EFL1: variants seen among roughly 807,000 people sequenced by gnomAD.
EFL1 encodes elongation factor-like GTPase 1.
EFL1 carries 76 observed loss-of-function variants against 126.7 expected under a neutral mutation model. That is an observed-to-expected ratio of 0.60 (90% confidence interval 0.50 to 0.73). The LOEUF (loss-of-function observed/expected upper bound fraction) is 0.73. Ranked by LOEUF, EFL1 falls within the 30% of genes least tolerant of loss-of-function variation. The probability of loss-of-function intolerance (pLI) is 0.00; values close to 1 mark genes in which losing one functional copy is unlikely to be tolerated. For missense variants in EFL1, 1,128 were observed against 1,343.2 expected (o/e 0.84, Z 2.50); for synonymous variants, 410 against 448.4 (o/e 0.91, Z 1.08).
At chr15:82,153,459 T>TA (rs886516645) in intron 17 of EFL1, among the ~76,000 whole-genome samples, 43 of 151,576 alleles carry the variant, frequency 2.8e-4, no homozygotes, top group Admixed American at 7.2e-4. Flanking sequence ...GTGTGTGCAT[T>TA]AAAAAAAAAC....
At chr15:82,175,839 T>C (rs1273773717) in intron 15 of EFL1, among the ~76,000 whole-genome samples, 1 of 152,204 alleles carries the variant, frequency 6.6e-6, no homozygotes, top group Non-Finnish European at 1.5e-5. Flanking sequence ...TTTTGAAGAT[T>C]ACTTAGAAAT....
intron 15 of EFL1, among the ~76,000 whole-genome samples, chr15:82,182,364 G>A (rs922926622): frequency 6.6e-6 from 1 of 152,238 alleles, no homozygotes; most frequent in African/African-American, 2.4e-5. Flanking sequence ...GGTTTGGTGT[G>A]AGCTAATAGT....
intron 7 of EFL1, among the ~76,000 whole-genome samples, chr15:82,231,506 A>G (rs1386437467): frequency 3.9e-5 from 6 of 152,188 alleles, no homozygotes; most frequent in Non-Finnish European, 8.8e-5. Context: ...CTCCAGTCAC[A>G]GGAAGACAGT....
chr15:82,175,156 A>ACC (rs2074180923), intron 15 of EFL1, among the ~76,000 whole-genome samples: 1 of 152,208 alleles, frequency 6.6e-6, no homozygotes, highest in Non-Finnish European at 1.5e-5. Context: ...CAGTCACATT[A>ACC]TTACTGAGTA....
At chr15:82,140,513 T>C (rs2073775076) in intron 18 of EFL1, among the ~76,000 whole-genome samples, 1 of 152,196 alleles carries the variant, frequency 6.6e-6, no homozygotes, top group Non-Finnish European at 1.5e-5. Context: ...CTTTGAGGCT[T>C]CATACTCTTT....
At chr15:82,133,227 TCCCTGAGCCATGGTACCAG>T (rs2073678733) in intron 19 of EFL1, among the ~76,000 whole-genome samples, 2 of 152,224 alleles carry the variant, frequency 1.3e-5, no homozygotes, top group African/African-American at 4.8e-5. Flanking sequence ...TTTGATGGTG[TCCCTGAGCCATGGTACCAG>T]CCCTACTTGC....
chr15:82,131,560 G>A (rs993941012), intron 19 of EFL1, among the ~76,000 whole-genome samples: 3 of 152,198 alleles, frequency 2.0e-5, no homozygotes, highest in African/African-American at 7.2e-5. Flanking sequence ...GGAGGCTGAG[G>A]CAGGTGGATC....
chr15:82,144,257 A>C (rs1185594615), intron 18 of EFL1, among the ~76,000 whole-genome samples: 1 of 61,384 alleles, frequency 1.6e-5, no homozygotes, highest in African/African-American at 7.7e-5. Context: ...CCCTGTCTCC[A>C]AAACAAAAAA....
rs549955946 is a variant in EFL1, at chr15:82,152,890, A to G, written c.2031-467T>C. The stretch of plus-strand genomic sequence containing the variant: ...TCTTCACAATGTATTTGGCTTTGAT[A>G]ATGAGGCTTATAGCAAGGCTAGCAT... On this transcript the variant is annotated intron_variant, in intron 17 of 19. Coordinates refer to ENST00000268206, the MANE Select transcript of EFL1 (RefSeq NM_024580.6). Among the ~76,000 whole-genome samples, 14 of 152,356 alleles carry G rather than the reference A, an allele frequency of 9.2e-5. No homozygotes were observed. The South Asian group carries it at 2.9e-3, about 32-fold the overall frequency.
intron 15 of EFL1, among the ~76,000 whole-genome samples, chr15:82,196,057 G>A (rs142696371): frequency 0.015 from 2,334 of 152,268 alleles, 25 homozygotes; most frequent in East Asian, 0.024. Context: ...AAGAGACAGC[G>A]TGTACCGAGA....
At position 82,130,502 on chromosome 15, in the gene EFL1, C is replaced by T. The variant is rs1484615620; in HGVS notation, c.3234G>A (p.Gly1078=). 6.2e-7 allele frequency: 1 copy of T among 1,614,160 alleles called. No homozygotes were observed. Among genetic ancestry groups the T allele is most frequent in the Non-Finnish European group, 8.5e-7 (1 of 1,180,040 alleles). The change falls in exon 20 of 20, where the codon GGG becomes GGA. Residue 1078 remains glycine, a synonymous_variant. Coordinates refer to ENST00000268206, the MANE Select transcript of EFL1 (RefSeq NM_024580.6). ...CTTGGTTCTCAGAGTCAGCCTTCTC[C>T]CCAAAGTGCAAGTATTCCTCCTCAG... is the stretch of plus-strand genomic sequence containing the variant. ...PTTEEEYLHF[G]EKADSENQAR...
chr15:82,148,020 T>G (rs998824076), intron 18 of EFL1, among the ~76,000 whole-genome samples: 6 of 152,128 alleles, frequency 3.9e-5, no homozygotes, highest in African/African-American at 1.4e-4. Flanking sequence ...ACCAGAAGTG[T>G]TTTACATTTT....
chr15:82,212,862 GA>G (rs2074604406), intron 15 of EFL1, among the ~76,000 whole-genome samples: 1 of 152,236 alleles, frequency 6.6e-6, no homozygotes, highest in African/African-American at 2.4e-5. Flanking sequence ...AGTCACTAGA[GA>G]GGCATTTCTT....
intron 7 of EFL1, among the ~76,000 whole-genome samples, chr15:82,233,064 T>G (rs775680753): frequency 6.6e-6 from 1 of 152,210 alleles, no homozygotes; most frequent in African/African-American, 2.4e-5. Context: ...AATCATAAAT[T>G]ATAGTAAGAC....
At chr15:82,258,806 A>C (rs560552141) in intron 3 of EFL1, among the ~76,000 whole-genome samples, 1 of 152,230 alleles carries the variant, frequency 6.6e-6, no homozygotes, top group East Asian at 1.9e-4. Flanking sequence ...CAACTCATTC[A>C]CCTACAAAGA....
At chr15:82,235,397 AC>A (rs1460503466) in intron 7 of EFL1, among the ~76,000 whole-genome samples, 5 of 152,126 alleles carry the variant, frequency 3.3e-5, no homozygotes, top group African/African-American at 1.2e-4. Flanking sequence ...AAGAAGATAA[AC>A]AAAAAACTGA....
At chr15:82,201,972 G>A (rs963474504) in intron 15 of EFL1, among the ~76,000 whole-genome samples, 12 of 151,442 alleles carry the variant, frequency 7.9e-5, no homozygotes, top group African/African-American at 1.9e-4. Flanking sequence ...ACTCCAACCC[G>A]AATCTGGAGT....
chr15:82,161,562 T>G (rs1393107545), intron 16 of EFL1, among the ~76,000 whole-genome samples: 1 of 152,034 alleles, frequency 6.6e-6, no homozygotes, highest in Non-Finnish European at 1.5e-5. Flanking sequence ...AGTCAATAAA[T>G]GCAAGGTAAA....
chr15:82,214,198 C>A (rs1364512223), intron 15 of EFL1, among the ~76,000 whole-genome samples: 1 of 152,158 alleles, frequency 6.6e-6, no homozygotes, highest in Non-Finnish European at 1.5e-5. Flanking sequence ...AAAGTGAATT[C>A]TGCACATGGG....
Sources: gnomAD v4.1 joint callset for allele counts (sites outside exome capture counted in the v4.1 genomes callset) on GRCh38, gnomAD v4.1.1 for gene constraint, MANE v1.5 for transcripts, NCBI Gene and HGNC (gene_info 2026-07-23, HGNC 2026-07-21) for gene names.